The following LHFPL6 variants were observed in gnomAD, a reference collection of about 807,000 sequenced individuals.
LHFPL6 encodes LHFPL tetraspan subfamily member 6 protein.
In LHFPL6, 9 loss-of-function variants were observed where a neutral mutation model predicts 20.6. The observed-to-expected ratio is 0.44, with a 90% CI of 0.26 to 0.76. The LOEUF (loss-of-function observed/expected upper bound fraction) is 0.76, where lower values mean the gene tolerates loss of function less well. LHFPL6 is among the 30% of genes least tolerant of loss of function. The pLI, the probability that LHFPL6 is intolerant of heterozygous loss-of-function variation, is 0.20. For missense variants in LHFPL6, 218 were observed against 253.5 expected (o/e 0.86, Z 0.95); for synonymous variants, 105 against 98.7 (o/e 1.06, Z -0.38).
At chr13:39,394,822 G>T (rs938530699) in intron 2 of LHFPL6, among the ~76,000 whole-genome samples, 6 of 152,176 alleles carry the variant, frequency 3.9e-5, no homozygotes, top group African/African-American at 1.2e-4. Flanking sequence ...CAAAGTCACA[G>T]TTAGTAAAAG....
At chr13:39,426,754 T>G (rs1566108657) in intron 2 of LHFPL6, among the ~76,000 whole-genome samples, 1 of 152,342 alleles carries the variant, frequency 6.6e-6, no homozygotes. Flanking sequence ...AGATAATGTT[T>G]TAATTTTATT....
At chr13:39,422,368 T>C (rs1341820757) in intron 2 of LHFPL6, among the ~76,000 whole-genome samples, 1 of 152,134 alleles carries the variant, frequency 6.6e-6, no homozygotes, top group African/African-American at 2.4e-5. Flanking sequence ...GCGGATCATC[T>C]GATGTCAGGA....
intron 2 of LHFPL6, among the ~76,000 whole-genome samples, chr13:39,569,408 A>G (rs1334283377): frequency 1.3e-5 from 2 of 152,186 alleles, no homozygotes; most frequent in Non-Finnish European, 2.9e-5. Context: ...CCATCAATCT[A>G]TTGGTCTCAT....
At chr13:39,437,914 A>AT (rs1872008930) in intron 2 of LHFPL6, among the ~76,000 whole-genome samples, 1 of 151,772 alleles carries the variant, frequency 6.6e-6, no homozygotes, top group African/African-American at 2.4e-5. Flanking sequence ...AAAAAAAAAA[A>AT]AGGATTAAAT....
intron 2 of LHFPL6, among the ~76,000 whole-genome samples, chr13:39,408,337 G>A (rs1026874348): frequency 6.6e-6 from 1 of 152,164 alleles, no homozygotes; most frequent in African/African-American, 2.4e-5. Flanking sequence ...AGACCAGAAG[G>A]CCAGGGAATT....
intron 2 of LHFPL6, among the ~76,000 whole-genome samples, chr13:39,464,104 T>C (rs1872746019): frequency 6.6e-6 from 1 of 152,182 alleles, no homozygotes; most frequent in Non-Finnish European, 1.5e-5. Context: ...AAGGTGAGTT[T>C]TCAAGTAGGT....
chr13:39,444,675 C>G (rs1421618060), intron 2 of LHFPL6, among the ~76,000 whole-genome samples: 1 of 152,178 alleles, frequency 6.6e-6, no homozygotes, highest in East Asian at 1.9e-4. Context: ...TTGATAACAT[C>G]CATATGGTGC....
At chr13:39,544,025 T>C (rs1014666037) in intron 2 of LHFPL6, among the ~76,000 whole-genome samples, 1 of 152,252 alleles carries the variant, frequency 6.6e-6, no homozygotes, top group Admixed American at 6.5e-5. Context: ...CATAGACTTT[T>C]ATTTCAATGG....
At chr13:39,513,055 C>T (rs1455407813) in intron 2 of LHFPL6, among the ~76,000 whole-genome samples, 1 of 152,244 alleles carries the variant, frequency 6.6e-6, no homozygotes, top group Non-Finnish European at 1.5e-5. Flanking sequence ...TCCCAACTCC[C>T]ATTTCCTGTC....
intron 2 of LHFPL6, among the ~76,000 whole-genome samples, chr13:39,401,104 C>T (rs543165182): frequency 6.6e-5 from 10 of 152,300 alleles, no homozygotes; most frequent in African/African-American, 2.4e-4. Flanking sequence ...TTGAGCGCAA[C>T]TACAAATATC....
chr13:39,552,332 G>A (rs1257922634), intron 2 of LHFPL6, among the ~76,000 whole-genome samples: 1 of 152,080 alleles, frequency 6.6e-6, no homozygotes, highest in Admixed American at 6.6e-5. Flanking sequence ...GACTATGATT[G>A]TGACAGCAAT....
intron 3 of LHFPL6, among the ~76,000 whole-genome samples, chr13:39,359,523 T>C (rs1869823025): frequency 6.6e-6 from 1 of 152,126 alleles, no homozygotes; most frequent in African/African-American, 2.4e-5. Context: ...AGCAAATTAA[T>C]GCAGAAACAG....
At chr13:39,515,401 T>C (rs187876233) in intron 2 of LHFPL6, among the ~76,000 whole-genome samples, 11 of 152,348 alleles carry the variant, frequency 7.2e-5, no homozygotes, top group Admixed American at 2.6e-4. Context: ...TTACAACATA[T>C]GATCCAAACA....
intron 2 of LHFPL6, among the ~76,000 whole-genome samples, chr13:39,572,330 G>GTGTA (rs1871949074): frequency 7.2e-6 from 1 of 138,406 alleles, no homozygotes. Context: ...GTGTGTGTGT[G>GTGTA]ACAGTCCCCA....
chr13:39,506,030 T>C (rs745511801), intron 2 of LHFPL6, among the ~76,000 whole-genome samples: 13 of 152,218 alleles, frequency 8.5e-5, no homozygotes, highest in Non-Finnish European at 1.6e-4. Context: ...CATTCAAAAC[T>C]GATCACCTTG....
intron 2 of LHFPL6, among the ~76,000 whole-genome samples, chr13:39,576,218 G>A (rs889044956): frequency 1.3e-5 from 2 of 152,244 alleles, no homozygotes; most frequent in Non-Finnish European, 2.9e-5. Flanking sequence ...ATACAGACTA[G>A]GTTTGGGTCA....
chr13:39,385,012 A>G (rs1392175265), intron 2 of LHFPL6, among the ~76,000 whole-genome samples: 2 of 152,220 alleles, frequency 1.3e-5, no homozygotes, highest in Admixed American at 6.5e-5. Context: ...CTCATTTGCA[A>G]TTAAGAAGCA....
At chr13:39,366,568 G>A (rs1207164104) in intron 3 of LHFPL6, among the ~76,000 whole-genome samples, 2 of 152,170 alleles carry the variant, frequency 1.3e-5, no homozygotes, top group African/African-American at 4.8e-5. Flanking sequence ...GTAGTCTTAA[G>A]AACTGTGAAG....
chr13:39,357,171 C>G (rs891768239), intron 3 of LHFPL6, among the ~76,000 whole-genome samples: 3 of 151,592 alleles, frequency 2.0e-5, no homozygotes, highest in Non-Finnish European at 4.4e-5. Context: ...CAGCCTGTCT[C>G]AAACAAAAAA....
Sources: gnomAD v4.1 joint callset for allele counts (sites outside exome capture counted in the v4.1 genomes callset) on GRCh38, gnomAD v4.1.1 for gene constraint, MANE v1.5 for transcripts, NCBI Gene and HGNC (gene_info 2026-07-23, HGNC 2026-07-21) for gene names.